The following CRLF3 variants were observed in gnomAD, a reference collection of about 807,000 sequenced individuals.
The protein encoded by CRLF3 is cytokine receptor like factor 3.
In CRLF3, 33 loss-of-function variants were observed where a neutral mutation model predicts 55.0. The ratio of observed to expected loss-of-function variants is 0.60; its 90% CI spans 0.46 to 0.80. The LOEUF is 0.80. CRLF3 is among the 30% of genes least tolerant of loss of function. The pLI, the probability that CRLF3 is intolerant of heterozygous loss-of-function variation, is 0.00. For missense variants in CRLF3, 494 were observed against 538.4 expected (o/e 0.92, Z 0.82); for synonymous variants, 238 against 196.8 (o/e 1.21, Z -1.75).
intron 1 of CRLF3, 31 bp from the exon 2 acceptor site, chr17:30,804,139 AG>A (rs1972050125): frequency 2.0e-6 from 3 of 1,519,032 alleles, no homozygotes; most frequent in Non-Finnish European, 2.7e-6. Context: ...ACTCAAAATC[AG>A]AATCTTTAAA....
At chr17:30,811,291 C>A (rs1217772723) in intron 1 of CRLF3, among the ~76,000 whole-genome samples, 1 of 151,472 alleles carries the variant, frequency 6.6e-6, no homozygotes, top group African/African-American at 2.4e-5. Context: ...CCTGTCGCTG[C>A]TAAAAACACA....
chr17:30,787,531 A>C (rs554982108), intron 6 of CRLF3: 1 of 151,398 alleles, frequency 6.6e-6, no homozygotes, highest in African/African-American at 2.4e-5. Context: ...CAACTTTGCA[A>C]GGACAAAAAA....
At chr17:30,789,307 T>G (rs556976556) in intron 6 of CRLF3, among the ~76,000 whole-genome samples, 25 of 152,316 alleles carry the variant, frequency 1.6e-4, no homozygotes, top group African/African-American at 5.3e-4. Flanking sequence ...TAAATCAATT[T>G]GTATAATTTC....
chr17:30,783,821 T>G lies in CRLF3; in HGVS notation c.*366A>C, dbSNP rs1971563925. Reference sequence around the variant, plus strand: ...CTTGTTCTAAAGAGTTACATGGACTTGGATCCTTTAAGATGATTTTAAAAA... The same window carrying G: ...CTTGTTCTAAAGAGTTACATGGACTGGGATCCTTTAAGATGATTTTAAAAA... On this transcript the variant is annotated 3_prime_UTR_variant, in exon 8 of 8. Coordinates refer to ENST00000324238, the MANE Select transcript of CRLF3 (RefSeq NM_015986.4). 1.1e-5 allele frequency: 2 copies of G among 180,622 alleles called. No homozygotes were observed. The highest frequency in any genetic ancestry group is 2.3e-5 in the Non-Finnish European group (2 of 85,334). 11.2% of individuals were successfully genotyped at this position (180,622 alleles called of 1,614,324 possible).
chr17:30,796,129 G>A (rs1971913551), intron 4 of CRLF3, 31 bp downstream of exon 4: 2 of 1,526,540 alleles, frequency 1.3e-6, no homozygotes, highest in Admixed American at 1.9e-5. Context: ...CCATAATGTG[G>A]AAGTCATTTC....
intron 2 of CRLF3, among the ~76,000 whole-genome samples, chr17:30,800,196 T>G (rs1300965302): frequency 6.6e-6 from 1 of 152,108 alleles, no homozygotes; most frequent in Non-Finnish European, 1.5e-5. Flanking sequence ...CTCAAATGAC[T>G]TTTAAATGTT....
At chr17:30,813,710 G>A (rs1397353361) in intron 1 of CRLF3, among the ~76,000 whole-genome samples, 3 of 151,420 alleles carry the variant, frequency 2.0e-5, no homozygotes, top group East Asian at 1.9e-4. Flanking sequence ...CTATTAACTC[G>A]TCATTTAACA....
Position 30,782,904 on chromosome 17 carries a change from A to G in CRLF3, c.*1283T>C, listed in dbSNP as rs1361162236. The G allele has an allele frequency of 2.6e-5, 3 of 116,062 alleles. No individual in the cohort carries two copies. The highest frequency in any genetic ancestry group is 5.6e-5 in the Non-Finnish European group (3 of 53,614). 7.2% of individuals were successfully genotyped at this position (116,062 alleles called of 1,614,324 possible). On this transcript the variant is annotated 3_prime_UTR_variant, in exon 8 of 8. Transcript: ENST00000324238. The stretch of plus-strand genomic sequence containing the variant: ...CTACTTTTTTACTATACTGGTAAAA[A>G]TGAAATGAAAAAAATAATTCACATT...
chr17:30,809,676 G>T (rs1904548537), intron 1 of CRLF3: 1 of 152,016 alleles, frequency 6.6e-6, no homozygotes, highest in Non-Finnish European at 1.5e-5. Flanking sequence ...TTTGAGACAG[G>T]TTCTCACTTG....
intron 7 of CRLF3, 137 bp downstream of exon 7, chr17:30,785,782 A>G (rs912168136): frequency 8.4e-6 from 1 of 119,500 alleles, no homozygotes. Context: ...ACTTCATAAT[A>G]AAAAAAAAAA....
intron 5 of CRLF3, among the ~76,000 whole-genome samples, chr17:30,793,179 AAAAAGG>A (rs1343870325): frequency 3.9e-5 from 6 of 151,978 alleles, no homozygotes; most frequent in Non-Finnish European, 5.9e-5. Context: ...AAAAAAGAAT[AAAAAGG>A]AATATCAGTG....
chr17:30,820,446 T>C (rs931883082), intron 1 of CRLF3, among the ~76,000 whole-genome samples: 5 of 152,202 alleles, frequency 3.3e-5, no homozygotes, highest in African/African-American at 1.2e-4. Flanking sequence ...ACCAGTACTT[T>C]GGGAGGCCGA....
At chr17:30,788,336 A>G (rs1567657975) in intron 6 of CRLF3, among the ~76,000 whole-genome samples, 1 of 142,244 alleles carries the variant, frequency 7.0e-6, no homozygotes, top group Non-Finnish European at 1.5e-5. Context: ...AAAAAAAAAA[A>G]AAGAAAAGAA....
In CRLF3 at chr17:30,792,531, T is replaced by G. The variant is rs750116231; in HGVS notation, c.868A>C (p.Arg290=). 35 of 1,612,572 alleles carry G rather than the reference T, an allele frequency of 2.2e-5. No homozygotes were observed. The highest frequency in any genetic ancestry group is 2.9e-5 in the Non-Finnish European group (34 of 1,178,800). The change falls in exon 6 of 8, where the codon AGA becomes CGA. Residue 290 remains arginine (R), a synonymous_variant. Transcript: ENST00000324238. ...GFEGYSLSSR[R]NIALRNDSES... Reference sequence around the variant, plus strand: ...GAATCGTTCCGAAGTGCTATATTTCTTCGACTGCTCAGACTGTACCCCTCA... The same window carrying G: ...GAATCGTTCCGAAGTGCTATATTTCGTCGACTGCTCAGACTGTACCCCTCA...
At chr17:30,786,153 AC>A (rs55751716) in intron 6 of CRLF3, 122 bp from the exon 7 acceptor site, 76,944 of 623,786 alleles carry the variant, frequency 0.12, 5,405 homozygotes, top group South Asian at 0.22. Context: ...TAGTACAGCA[AC>A]CATGATTGAG....
At chr17:30,802,349 T>C (rs748108090) in intron 2 of CRLF3, among the ~76,000 whole-genome samples, 89 of 152,270 alleles carry the variant, frequency 5.8e-4, no homozygotes, top group Non-Finnish European at 5.4e-4. Context: ...CTTGATCTCC[T>C]GACCTGATGA....
intron 1 of CRLF3, among the ~76,000 whole-genome samples, chr17:30,820,608 A>G (rs571221616): frequency 6.6e-6 from 1 of 152,126 alleles, no homozygotes; most frequent in Non-Finnish European, 1.5e-5. Flanking sequence ...CCTGGCCAAC[A>G]TGGTGAAACC....
intron 4 of CRLF3, 41 bp from the exon 5 acceptor site, chr17:30,793,713 G>A: frequency 7.0e-7 from 1 of 1,438,488 alleles, no homozygotes; most frequent in Non-Finnish European, 9.7e-7. Flanking sequence ...AACAGAAAAT[G>A]ACTTCTCTCA....
intron 5 of CRLF3, among the ~76,000 whole-genome samples, chr17:30,793,082 C>T (rs1971846042): frequency 6.6e-6 from 1 of 150,986 alleles, no homozygotes; most frequent in Non-Finnish European, 1.5e-5. Flanking sequence ...AGAGGTCAGG[C>T]TGCATGATTG....
Sources: allele counts gnomAD v4.1 joint callset (sites outside exome capture counted in the v4.1 genomes callset), GRCh38; gene constraint gnomAD v4.1.1; transcripts MANE v1.5; gene names NCBI Gene and HGNC (gene_info 2026-07-23, HGNC 2026-07-21).